The following DNAH3 variants were observed in gnomAD, a reference collection of about 807,000 sequenced individuals.
DNAH3 encodes the protein axonemal beta dynein heavy chain 3.
Under a neutral mutation model 432.5 loss-of-function variants are expected in DNAH3, and 332 were observed. The observed-to-expected ratio is 0.77, with a 90% CI of 0.70 to 0.84. The LOEUF is 0.84. Ranked by LOEUF, DNAH3 falls within the 40% of genes least tolerant of loss-of-function variation. The pLI is 0.00. For missense variants in DNAH3, 4,861 were observed against 5,114.0 expected, an observed-to-expected ratio of 0.95 and a Z score of 1.51; for synonymous variants, 1,956 against 1,900.2, an observed-to-expected ratio of 1.03 and a Z score of -0.76.
chr16:21,082,811 G>C (rs1250352553), intron 19 of DNAH3, among the ~76,000 whole-genome samples: 1 of 132,978 alleles, frequency 7.5e-6, no homozygotes, highest in East Asian at 2.3e-4. Flanking sequence ...CTGGGCAACA[G>C]AGTGAGACTC....
At chr16:21,098,666 T>G in exon 17 of DNAH3, 1 of 1,613,866 alleles carries the variant, frequency 6.2e-7, no homozygotes, top group Non-Finnish European at 8.5e-7. Flanking sequence ...TCATTAAGCT[T>G]TTCAACATTG....
At chr16:21,067,505 C>T in intron 23 of DNAH3, 86 bp from the exon 24 acceptor site, 5 of 1,427,218 alleles carry the variant, frequency 3.5e-6, no homozygotes, top group Non-Finnish European at 4.9e-6. Flanking sequence ...GACCTATCAA[C>T]TGACAGCACT....
chr16:20,995,923 C>T (rs2086744094), intron 44 of DNAH3, among the ~76,000 whole-genome samples: 1 of 152,252 alleles, frequency 6.6e-6, no homozygotes, highest in South Asian at 2.1e-4. Flanking sequence ...GCTTTTGGTT[C>T]TTCCTCTCAG....
At chr16:20,978,596 C>T (rs997656861) in intron 50 of DNAH3, among the ~76,000 whole-genome samples, 4 of 152,152 alleles carry the variant, frequency 2.6e-5, no homozygotes, top group Admixed American at 2.0e-4. Context: ...TGCAGTGGTA[C>T]GATCATAGCT....
At chr16:21,126,388 G>A (rs1216587380) in intron 8 of DNAH3, among the ~76,000 whole-genome samples, 1 of 152,112 alleles carries the variant, frequency 6.6e-6, no homozygotes, top group African/African-American at 2.4e-5. Flanking sequence ...GCTATTATGT[G>A]CCAATGATAG....
At chr16:20,982,536 G>T (rs183707826) in intron 49 of DNAH3, among the ~76,000 whole-genome samples, 185 bp downstream of exon 49, 2 of 152,112 alleles carry the variant, frequency 1.3e-5, no homozygotes, top group Admixed American at 1.3e-4. Flanking sequence ...TCTGAACAAT[G>T]AAATTTTCTT....
At position 21,145,439 on chromosome 16, in the gene DNAH3, T is replaced by G. The variant is rs191062387; in HGVS notation, c.223-33A>C. The G allele has an allele frequency of 5.7e-6, 9 of 1,568,710 alleles. No homozygotes were observed. In the East Asian group the frequency reaches 2.0e-4, roughly 35 times the overall value. On this transcript the variant is annotated intron_variant, in intron 2 of 61. Coordinates refer to ENST00000261383, the Ensembl canonical transcript of DNAH3. ...GTAAGAAGTGCAGAGTGAGACACAA[T>G]GAGGAACATCTCTCGATGAGCCTGA...
At chr16:21,077,209 G>C (rs1597323797) in intron 20 of DNAH3, among the ~76,000 whole-genome samples, 1 of 151,822 alleles carries the variant, frequency 6.6e-6, no homozygotes, top group African/African-American at 2.4e-5. Context: ...GATGCCCAGG[G>C]TGGAGTGCAG....
chr16:21,153,986 T>C (rs191355931), intron 1 of DNAH3, among the ~76,000 whole-genome samples: 1 of 152,240 alleles, frequency 6.6e-6, no homozygotes, highest in Non-Finnish European at 1.5e-5. Flanking sequence ...TTTGGAATAA[T>C]TGAGACAGTG....
At chr16:21,023,856 C>G (rs1431738137) in intron 39 of DNAH3, among the ~76,000 whole-genome samples, 1 of 151,274 alleles carries the variant, frequency 6.6e-6, no homozygotes, top group Non-Finnish European at 1.5e-5. Context: ...TATGTACTTG[C>G]ACTTTACATA....
At chr16:21,110,054 G>A (rs1218159225) in intron 14 of DNAH3, among the ~76,000 whole-genome samples, 1 of 152,110 alleles carries the variant, frequency 6.6e-6, no homozygotes, top group East Asian at 1.9e-4. Context: ...CATGGCACCT[G>A]GCCACTAAAT....
At chr16:21,052,054 C>T (rs923707454) in intron 28 of DNAH3, among the ~76,000 whole-genome samples, 186 bp from the exon 29 acceptor site, 15 of 152,104 alleles carry the variant, frequency 9.9e-5, no homozygotes, top group Admixed American at 3.3e-4. Context: ...TGCAATGGCG[C>T]GATCTCGGCT....
chr16:20,980,853 AG>A lies in DNAH3; in HGVS notation c.7860-1308del, dbSNP rs1354807929. 2.0e-5 allele frequency among the ~76,000 whole-genome samples: 3 copies of A among 152,192 alleles called. No homozygotes were observed. In the East Asian group the frequency reaches 5.8e-4, roughly 29 times the overall value. On this transcript the variant is annotated intron_variant, in intron 49 of 61. Coordinates refer to ENST00000261383, the Ensembl canonical transcript of DNAH3. Reference sequence around the variant, plus strand: ...AGGGATTAGTAAACCTTTTCTGGAAAGGGTCAGATAATAAATATTTTAGCCT... The same window carrying A: ...AGGGATTAGTAAACCTTTTCTGGAAAGGTCAGATAATAAATATTTTAGCCT...
At chr16:21,137,047 T>C (rs1183358575) in intron 5 of DNAH3, among the ~76,000 whole-genome samples, 2 of 151,772 alleles carry the variant, frequency 1.3e-5, no homozygotes, top group Non-Finnish European at 2.9e-5. Flanking sequence ...GGCAGGAAAA[T>C]TGCTGGAACC....
intron 18 of DNAH3, among the ~76,000 whole-genome samples, chr16:21,093,197 T>C (rs1256576508): frequency 6.6e-6 from 1 of 152,188 alleles, no homozygotes; most frequent in Non-Finnish European, 1.5e-5. Context: ...TACAAAACGG[T>C]ACAGCAACTC....
At chr16:21,153,741 G>C (rs923310565) in intron 1 of DNAH3, among the ~76,000 whole-genome samples, 4 of 151,948 alleles carry the variant, frequency 2.6e-5, no homozygotes, top group South Asian at 2.1e-4. Flanking sequence ...CTCCAGACGC[G>C]CTACCTTAAG....
At chr16:21,151,908 C>A (rs982396984) in intron 1 of DNAH3, among the ~76,000 whole-genome samples, 1 of 151,872 alleles carries the variant, frequency 6.6e-6, no homozygotes, top group Non-Finnish European at 1.5e-5. Context: ...CCAAACACCA[C>A]GATATTCCCA....
At chr16:20,963,789 C>T (rs1207737610) in exon 53 of DNAH3, 2 of 1,613,902 alleles carry the variant, frequency 1.2e-6, no homozygotes, top group Non-Finnish European at 1.7e-6. Flanking sequence ...CCTTCTCAAA[C>T]AGAGAACGGC....
Position 21,001,250 on chromosome 16 carries a change from G to A in DNAH3, c.6127-732C>T, listed in dbSNP as rs73536193. Among the ~76,000 whole-genome samples, 195 of 152,288 alleles carry A rather than the reference G, an allele frequency of 1.3e-3. 1 individual carries two copies. The highest frequency in any genetic ancestry group is 4.2e-3 in the African/African-American group (173 of 41,550). On this transcript the variant is annotated intron_variant, in intron 42 of 61. Coordinates refer to ENST00000261383, the Ensembl canonical transcript of DNAH3. ...CTCCTGGAATCCCTATTTGGACAGGGCACCTGACCTTGGCTTGGATTCTCT... is the reference window on the plus strand; with the variant it reads ...CTCCTGGAATCCCTATTTGGACAGGACACCTGACCTTGGCTTGGATTCTCT...
Sources: allele counts gnomAD v4.1 joint callset (sites outside exome capture counted in the v4.1 genomes callset), GRCh38; gene constraint gnomAD v4.1.1; transcripts MANE v1.5; gene names NCBI Gene and HGNC (gene_info 2026-07-23, HGNC 2026-07-21).